Variants in RNF150 observed in about 807,000 individuals in gnomAD.
The protein encoded by RNF150 is ring finger protein 150.
Under a neutral mutation model 39.3 loss-of-function variants are expected in RNF150, and 24 were observed. The observed-to-expected ratio is 0.61, with a 90% confidence interval of 0.44 to 0.86. The LOEUF (loss-of-function observed/expected upper bound fraction) is 0.86, where lower values mean the gene tolerates loss of function less well. Among genes scored for constraint, RNF150 ranks in the 40% least tolerant of loss-of-function variants. The pLI is 0.00. For missense variants in RNF150, 502 were observed against 587.8 expected, an observed-to-expected ratio of 0.85 and a Z score of 1.51; for synonymous variants, 255 against 227.3, an observed-to-expected ratio of 1.12 and a Z score of -1.10.
At chr4:141,209,590 T>C (rs965193640) in intron 1 of RNF150, among the ~76,000 whole-genome samples, 1 of 152,210 alleles carries the variant, frequency 6.6e-6, no homozygotes, top group African/African-American at 2.4e-5. Context: ...AATTTGTGTT[T>C]TCTTGTCTGT....
chr4:140,886,545 A>T (rs1179697193), intron 6 of RNF150, among the ~76,000 whole-genome samples: 1 of 152,224 alleles, frequency 6.6e-6, no homozygotes, highest in Non-Finnish European at 1.5e-5. Context: ...TGTTAGACAT[A>T]GGTATTGCAA....
At chr4:141,170,243 CAT>C (rs2111170926) in intron 1 of RNF150, among the ~76,000 whole-genome samples, 1 of 152,252 alleles carries the variant, frequency 6.6e-6, no homozygotes, top group African/African-American at 2.4e-5. Context: ...TGATATACAA[CAT>C]ATTGACGAAT....
intron 6 of RNF150, among the ~76,000 whole-genome samples, chr4:140,880,911 A>T (rs978156143): frequency 6.6e-6 from 1 of 151,988 alleles, no homozygotes; most frequent in Non-Finnish European, 1.5e-5. Flanking sequence ...CTTTATTTTA[A>T]TTAGTCTAGC....
intron 4 of RNF150, among the ~76,000 whole-genome samples, chr4:140,935,980 T>A (rs1268483050): frequency 6.6e-6 from 1 of 152,240 alleles, no homozygotes; most frequent in Admixed American, 6.5e-5. Context: ...CATTCTAACA[T>A]CTGTCACCAT....
intron 1 of RNF150, among the ~76,000 whole-genome samples, chr4:141,098,186 T>A (rs1485604965): frequency 6.6e-6 from 1 of 152,250 alleles, no homozygotes; most frequent in Admixed American, 6.5e-5. Flanking sequence ...CAGCACTTAC[T>A]TTGGGTTCCT....
chr4:141,143,768 C>G (rs777769086), intron 1 of RNF150, among the ~76,000 whole-genome samples: 18 of 152,016 alleles, frequency 1.2e-4, no homozygotes, highest in Non-Finnish European at 1.8e-4. Flanking sequence ...TGGTTCCACT[C>G]TCTTCAGGGC....
rs182139459 is a variant in RNF150, at chr4:141,099,181, A to G, written c.484+33144T>C. Among the ~76,000 whole-genome samples, 31 of 152,260 alleles carry G rather than the reference A, an allele frequency of 2.0e-4. No homozygotes were observed. In the East Asian group the frequency reaches 3.9e-3, roughly 19 times the overall value. ...ATTGCTGATATAAAAGGATGAAAAA[A>G]TACTACTTTCCAAAGAGCTGGCACT... On this transcript the variant is annotated intron_variant, in intron 1 of 6. Coordinates refer to ENST00000515673, the MANE Select transcript of RNF150 (RefSeq NM_020724.2).
intron 1 of RNF150, among the ~76,000 whole-genome samples, chr4:141,004,777 T>C (rs1734804307): frequency 6.6e-6 from 1 of 152,200 alleles, no homozygotes. Flanking sequence ...TAACCATTAA[T>C]CCTGGTTGTC....
At chr4:141,184,403 C>T (rs753877763) in intron 1 of RNF150, among the ~76,000 whole-genome samples, 1 of 152,048 alleles carries the variant, frequency 6.6e-6, no homozygotes, top group Non-Finnish European at 1.5e-5. Flanking sequence ...TGGATATTAG[C>T]CCTTTGTCAG....
At chr4:140,896,691 A>C (rs1560953014) in intron 6 of RNF150, among the ~76,000 whole-genome samples, 1 of 89,146 alleles carries the variant, frequency 1.1e-5, no homozygotes, top group Non-Finnish European at 2.3e-5. Flanking sequence ...GTATAATAAA[A>C]AAAAAAAAAC....
At chr4:140,902,991 T>C (rs1730242255) in intron 6 of RNF150, among the ~76,000 whole-genome samples, 1 of 152,132 alleles carries the variant, frequency 6.6e-6, no homozygotes, top group South Asian at 2.1e-4. Context: ...AGGAGAAAGG[T>C]GGCGAGAAGG....
At chr4:141,121,140 T>A (rs924889966) in intron 1 of RNF150, among the ~76,000 whole-genome samples, 4 of 152,172 alleles carry the variant, frequency 2.6e-5, no homozygotes, top group Non-Finnish European at 5.9e-5. Flanking sequence ...ACATCTATGA[T>A]GGACAGCATA....
chr4:141,095,240 G>T (rs1180999408), intron 1 of RNF150, among the ~76,000 whole-genome samples: 1 of 152,150 alleles, frequency 6.6e-6, no homozygotes, highest in Non-Finnish European at 1.5e-5. Flanking sequence ...ATAGCTGGGG[G>T]CCTCAAACAC....
intron 1 of RNF150, among the ~76,000 whole-genome samples, chr4:141,057,652 C>T (rs1418433533): frequency 1.3e-5 from 2 of 152,152 alleles, no homozygotes; most frequent in African/African-American, 4.8e-5. Context: ...CCCTACTAGC[C>T]TCCCAGTGGA....
rs1728572786 is a variant in RNF150, at chr4:140,863,536, G to A, written c.*4725C>T. 1 of 152,138 alleles carries A rather than the reference G, an allele frequency of 6.6e-6. No individual in the cohort carries two copies. The allele number at this position is 152,138 out of a possible 1,614,324, so 9.4% of individuals were successfully genotyped here. A position where few individuals can be genotyped will look rare whatever the true frequency, so the allele number is the denominator to read the frequency against. On this transcript the variant is annotated 3_prime_UTR_variant, in exon 7 of 7. Coordinates refer to ENST00000515673, the MANE Select transcript of RNF150 (RefSeq NM_020724.2). ...TAATGATAATGACTCTGTAGGTATA[G>A]AACCTCCAGTTTTTTGTGTTCTGAA... is the stretch of plus-strand genomic sequence containing the variant.
chr4:140,983,208 T>C (rs1264539155), intron 1 of RNF150, among the ~76,000 whole-genome samples: 1 of 152,156 alleles, frequency 6.6e-6, no homozygotes, highest in Admixed American at 6.6e-5. Flanking sequence ...AAGCTCTTCA[T>C]TTTTAGCTGT....
chr4:141,199,831 GA>G (rs1728263533), intron 1 of RNF150, among the ~76,000 whole-genome samples: 1 of 152,088 alleles, frequency 6.6e-6, no homozygotes, highest in African/African-American at 2.4e-5. Context: ...TTTTAAAAAT[GA>G]AAACAGTAGA....
intron 1 of RNF150, among the ~76,000 whole-genome samples, chr4:141,025,961 T>C (rs944782864): frequency 4.6e-5 from 7 of 152,142 alleles, no homozygotes; most frequent in Non-Finnish European, 8.8e-5. Context: ...CGTCATGAAC[T>C]GGATTAGCGT....
intron 5 of RNF150, among the ~76,000 whole-genome samples, chr4:140,921,057 C>A (rs535038666): frequency 2.0e-5 from 3 of 150,416 alleles, no homozygotes; most frequent in Admixed American, 2.0e-4. Context: ...GGAGGGATAG[C>A]ATTAGGAGAT....
Sources: gnomAD v4.1 joint callset for allele counts (sites outside exome capture counted in the v4.1 genomes callset) on GRCh38, gnomAD v4.1.1 for gene constraint, MANE v1.5 for transcripts, NCBI Gene and HGNC (gene_info 2026-07-23, HGNC 2026-07-21) for gene names.